ELF1: variants seen among roughly 807,000 people sequenced by gnomAD.
ELF1 encodes the protein ETS-related transcription factor Elf-1.
A neutral mutation model predicts 59.9 loss-of-function variants in ELF1; 24 were observed. The observed-to-expected ratio is 0.40, with a 90% confidence interval of 0.29 to 0.56. The LOEUF (loss-of-function observed/expected upper bound fraction) is 0.56, where lower values mean the gene tolerates loss of function less well. ELF1 is among the 20% of genes least tolerant of loss of function. The probability of loss-of-function intolerance (pLI) is 0.44; values close to 1 mark genes in which losing one functional copy is unlikely to be tolerated. For synonymous variants in ELF1, 248 were observed against 266.2 expected (o/e 0.93, Z 0.67); for missense variants, 627 against 742.2 (o/e 0.84, Z 1.80).
chr13:41,022,630 C>G (rs979977125), upstream of ELF1, among the ~76,000 whole-genome samples: 13 of 152,192 alleles, frequency 8.5e-5, no homozygotes, highest in Non-Finnish European at 1.8e-4. Context: ...CTTGTAATCC[C>G]AGCACTTTGG....
intron 1 of ELF1, chr13:40,992,746 G>A (rs1253066212): frequency 1.5e-5 from 4 of 259,798 alleles, no homozygotes; most frequent in East Asian, 1.0e-4. Flanking sequence ...TCAAAGTCTT[G>A]AACATCCCCT....
rs773346594 is a variant in ELF1 at position 40,933,636 on chromosome 13, C to A, written c.1649G>T (p.Gly550Val). 2 of 1,614,070 alleles carry A rather than the reference C, an allele frequency of 1.2e-6. No homozygotes were observed. The highest frequency in any genetic ancestry group is 2.7e-5 in the African/African-American group (2 of 74,912). The change falls in exon 9 of 9, where the codon GGC becomes GTC. Residue 550 changes from glycine to valine, a missense_variant. This residue lies in a region of ELF1 where 361 missense variants were observed against 396.1 expected (regional missense o/e 0.91). Transcript: ENST00000239882. The part of the protein sequence containing the change: ...RSSQLVAHPP[G>V]TVITSVIKTQ... ...TTTGATAACTGAAGTGATTACAGTG[C>A]CAGGTGGGTGAGCAACCAGCTGTGA...
chr13:41,044,429 T>C (rs1876754452), intron 1 of ELF1, among the ~76,000 whole-genome samples: 1 of 152,214 alleles, frequency 6.6e-6, no homozygotes. Context: ...GGCTGTGGGT[T>C]TGTCATAAAT....
At chr13:41,006,909 C>T (rs1211986876) in intron 1 of ELF1, among the ~76,000 whole-genome samples, 5 of 152,112 alleles carry the variant, frequency 3.3e-5, no homozygotes, top group Non-Finnish European at 7.4e-5. Context: ...ATGTACATAG[C>T]ATGCTGTATA....
chr13:40,943,745 C>T, intron 6 of ELF1, 97 bp downstream of exon 6: 3 of 973,682 alleles, frequency 3.1e-6, no homozygotes, highest in Non-Finnish European at 4.4e-6. Flanking sequence ...AGATCCACTG[C>T]AGTATATCAA....
At chr13:41,012,545 CT>C (rs574593869) in intron 1 of ELF1, among the ~76,000 whole-genome samples, 21,122 of 126,440 alleles carry the variant, frequency 0.17, 1,619 homozygotes, top group Non-Finnish European at 0.2. Context: ...CTTTTCTTTT[CT>C]TTTTTTTTTT....
At chr13:40,977,580 A>G (rs1813999977) in intron 2 of ELF1, among the ~76,000 whole-genome samples, 1 of 152,200 alleles carries the variant, frequency 6.6e-6, no homozygotes, top group Admixed American at 6.5e-5. Context: ...AACCTAGACC[A>G]TAACTGAAAA....
At chr13:41,032,274 A>G (rs1705407789) in intron 1 of ELF1, among the ~76,000 whole-genome samples, 1 of 150,774 alleles carries the variant, frequency 6.6e-6, no homozygotes, top group South Asian at 2.1e-4. Context: ...CTGGAGTGCA[A>G]TGGTGCGATC....
At chr13:41,021,566 C>G (rs1240915945), upstream of ELF1, among the ~76,000 whole-genome samples, 1 of 152,172 alleles carries the variant, frequency 6.6e-6, no homozygotes, top group Non-Finnish European at 1.5e-5. Context: ...GTTTCAATCC[C>G]AGCTCTGCTA....
In ELF1 at chr13:41,040,852, A is replaced by G. The variant is rs575231640; in HGVS notation, c.-229+19986T>C. Among the ~76,000 whole-genome samples the G allele has an allele frequency of 1.1e-4, 17 of 152,308 alleles. No individual in the cohort carries two copies. In the East Asian group the frequency reaches 2.5e-3, roughly 22 times the overall value. ...CTGGCTAGTAAGATTTCTATGACTC[A>G]TATTTGTTACTCGGTATTTAAGTAG... On this transcript the variant is annotated intron_variant, in intron 1 of 1. Transcript: ENST00000405737.
intron 1 of ELF1, among the ~76,000 whole-genome samples, chr13:41,044,958 T>C (rs183015977): frequency 6.6e-6 from 1 of 152,064 alleles, no homozygotes; most frequent in East Asian, 1.9e-4. Flanking sequence ...ATTAATTATT[T>C]CCTCAATTTC....
At chr13:41,049,390 A>G (rs1222036253) in intron 1 of ELF1, among the ~76,000 whole-genome samples, 1 of 152,236 alleles carries the variant, frequency 6.6e-6, no homozygotes, top group African/African-American at 2.4e-5. Context: ...GACCAAGTGT[A>G]CAAAAAAGTA....
intron 8 of ELF1, among the ~76,000 whole-genome samples, chr13:40,937,683 C>A (rs1312807429): frequency 6.6e-6 from 1 of 152,170 alleles, no homozygotes; most frequent in African/African-American, 2.4e-5. Flanking sequence ...GTTGGGAAGG[C>A]TGGTCTCGAA....
chr13:40,970,271 C>T (rs1410266533), intron 2 of ELF1, among the ~76,000 whole-genome samples: 1 of 152,164 alleles, frequency 6.6e-6, no homozygotes, highest in Admixed American at 6.5e-5. Context: ...GGAATCTAGA[C>T]TTATTTAGTA....
Position 40,941,000 on chromosome 13 carries a change from G to A in ELF1, c.1177C>T (p.Gln393Ter), listed in dbSNP as rs900398539. 1 of 1,614,228 alleles carries A rather than the reference G, an allele frequency of 6.2e-7. No homozygotes were observed. ...FRTVHVVQPV[Q>*]AVPEGEAART... ...GCTGCTTCTCCCTCTGGGACAGCCT[G>A]TACTGGCTGTACTACATGAACAGTC... Residue 393 changes from glutamine (Q) to a stop codon, truncating the protein, a stop_gained, in exon 8 of 9, where the codon CAG becomes TAG. Transcript: ENST00000239882. LOFTEE classifies it high-confidence loss of function.
In ELF1 at chr13:41,053,227, G is replaced by A. The variant is rs530180576; in HGVS notation, c.-229+7611C>T. ...AAATTAGCCGGGTATGGTGGTGCAC[G>A]CCTGGAATCCCAGCTACTCATGAGG... On this transcript the variant is annotated intron_variant, in intron 1 of 1. Transcript: ENST00000405737. 7.2e-5 allele frequency among the ~76,000 whole-genome samples: 11 copies of A among 152,006 alleles called. No individual in the cohort carries two copies. The East Asian group carries it at 2.1e-3, about 29-fold the overall frequency.
intron 1 of ELF1, among the ~76,000 whole-genome samples, chr13:41,048,712 C>T (rs374048224): frequency 9.9e-5 from 15 of 151,676 alleles, no homozygotes; most frequent in African/African-American, 2.4e-4. Context: ...TACGCCTAGC[C>T]GAAGGTATTT....
At chr13:41,031,935 A>AT (rs1012137156) in intron 1 of ELF1, among the ~76,000 whole-genome samples, 1 of 151,970 alleles carries the variant, frequency 6.6e-6, no homozygotes, top group African/African-American at 2.4e-5. Flanking sequence ...ATCCATGAAA[A>AT]TGTAATTATA....
intron 1 of ELF1, among the ~76,000 whole-genome samples, chr13:41,001,807 C>T (rs925311131): frequency 6.6e-6 from 1 of 152,002 alleles, no homozygotes; most frequent in Non-Finnish European, 1.5e-5. Flanking sequence ...TTGCCGTGCA[C>T]TGTGATCACA....
Sources: gnomAD v4.1 joint callset for allele counts (sites outside exome capture counted in the v4.1 genomes callset) on GRCh38, gnomAD v4.1.1 for gene constraint, gnomAD v4.1.1 regional missense constraint, MANE v1.5 for transcripts, NCBI Gene and HGNC (gene_info 2026-07-23, HGNC 2026-07-21) for gene names.